DDX42: variants seen among roughly 807,000 people sequenced by gnomAD.
DDX42 encodes the protein DEAD-box helicase 42, also known as ATP-dependent RNA helicase DDX42.
In DDX42, 22 loss-of-function variants were observed where a neutral mutation model predicts 101.5. The observed-to-expected ratio is 0.22, with a 90% CI of 0.15 to 0.31. The LOEUF (loss-of-function observed/expected upper bound fraction) is 0.31, where lower values mean the gene tolerates loss of function less well. DDX42 is among the 10% of genes least tolerant of loss of function. The pLI, the probability that DDX42 is intolerant of heterozygous loss-of-function variation, is 1.00. For synonymous variants in DDX42, 402 were observed against 401.2 expected (o/e 1.00, Z -0.02); for missense variants, 849 against 1,199.9 (o/e 0.71, Z 4.32).
chr17:63,818,635 G>A lies in DDX42; in HGVS notation c.*237G>A, dbSNP rs1412444959. On this transcript the variant is annotated 3_prime_UTR_variant, in exon 18 of 18. Coordinates refer to ENST00000389924, the MANE Select transcript of DDX42 (RefSeq NM_203499.3). ...GGAAGCTTCTTTTGGCTCTAGGTGA[G>A]TTGTCATGTGGGTAAGTTGAGGTTA... 3.6e-5 allele frequency: 18 copies of A among 493,708 alleles called. No homozygotes were observed. In the East Asian group the frequency reaches 6.1e-4, roughly 17 times the overall value. The allele number at this position is 493,708 out of a possible 1,614,324, so 30.6% of individuals were successfully genotyped here. A position where few individuals can be genotyped will look rare whatever the true frequency, so the allele number is the denominator to read the frequency against.
chr17:63,796,181 G>A (rs2039690552), intron 3 of DDX42, among the ~76,000 whole-genome samples: 1 of 152,204 alleles, frequency 6.6e-6, no homozygotes, highest in Non-Finnish European at 1.5e-5. Context: ...GGGATCCCTA[G>A]TGATGAATTA....
Position 63,812,007 on chromosome 17 carries a change from C to T in DDX42, c.1474C>T (p.Leu492=). 3 of 1,614,198 alleles carry T rather than the reference C, an allele frequency of 1.9e-6. No homozygotes were observed. The South Asian group carries it at 3.3e-5, about 18-fold the overall frequency. ...TAAATGGAACTGGCTTACCCGGCGT[C>T]TGGTAGAATTTACCTCTTCAGGGAG... The part of the protein sequence containing the change: ...PSKWNWLTRR[L]VEFTSSGSVL... Residue 492 remains leucine, a synonymous_variant, in exon 14 of 18, where the codon CTG becomes TTG. Coordinates refer to ENST00000389924, the MANE Select transcript of DDX42 (RefSeq NM_203499.3).
intron 1 of DDX42, among the ~76,000 whole-genome samples, chr17:63,784,379 A>G (rs141808973): frequency 6.6e-6 from 1 of 152,288 alleles, no homozygotes; most frequent in East Asian, 1.9e-4. Flanking sequence ...TGTATATATA[A>G]CTCATGGTTT....
In DDX42 at chr17:63,818,581, G is replaced by C. The variant is rs1044218275; in HGVS notation, c.*183G>C. Reference sequence around the variant, plus strand: ...TTTTCGGATGTTTTCTTGGGAAGCTGTTTTGGTCCTTGGAAGCAGTGAGAG... The same window carrying C: ...TTTTCGGATGTTTTCTTGGGAAGCTCTTTTGGTCCTTGGAAGCAGTGAGAG... On this transcript the variant is annotated 3_prime_UTR_variant, in exon 18 of 18. Coordinates refer to ENST00000389924, the MANE Select transcript of DDX42 (RefSeq NM_203499.3). 1 of 611,872 alleles carries C rather than the reference G, an allele frequency of 1.6e-6. No individual in the cohort carries two copies. The highest frequency in any genetic ancestry group is 2.8e-6 in the Non-Finnish European group (1 of 360,176). 37.9% of individuals were successfully genotyped at this position (611,872 alleles called of 1,614,324 possible).
chr17:63,798,899 G>A (rs900400319), intron 4 of DDX42, among the ~76,000 whole-genome samples: 2 of 152,152 alleles, frequency 1.3e-5, no homozygotes, highest in East Asian at 3.8e-4. Flanking sequence ...CCCTGCACTG[G>A]TGGTGTTGCT....
intron 2 of DDX42, 92 bp downstream of exon 2, chr17:63,787,362 A>C: frequency 2.4e-6 from 3 of 1,266,178 alleles, no homozygotes; most frequent in Non-Finnish European, 3.3e-6. Flanking sequence ...TTTGTTTCTC[A>C]AATAATAATG....
chr17:63,786,834 C>T (rs573411193), intron 1 of DDX42, among the ~76,000 whole-genome samples, 200 bp from the exon 2 acceptor site: 22 of 152,314 alleles, frequency 1.4e-4, no homozygotes, highest in South Asian at 6.2e-4. Context: ...TGTGCCACCA[C>T]GCCCGGCCAA....
chr17:63,817,929 G>C lies in DDX42; in HGVS notation c.2348G>C (p.Gly783Ala), dbSNP rs199536695. 122 of 1,614,040 alleles carry C rather than the reference G, an allele frequency of 7.6e-5. No homozygotes were observed. The highest frequency in any genetic ancestry group is 7.2e-5 in the Non-Finnish European group (85 of 1,180,036). Reference protein sequence around the residue: ...SGAPVTYPSAGAQGVNNTASG... With the variant: ...SGAPVTYPSAAAQGVNNTASG... ...GCCCCTGTGACCTACCCGTCTGCCG[G>C]AGCCCAAGGAGTCAACAACACAGCT... The change falls in exon 18 of 18, where the codon GGA becomes GCA. Residue 783 changes from glycine to alanine, a missense_variant. By Grantham distance (60) the Gly-to-Ala change is moderately conservative. Around this residue, in one of 5 missense-constraint regions of DDX42, gnomAD observed 300 missense variants for 304.9 expected, o/e 0.98. Coordinates refer to ENST00000389924, the MANE Select transcript of DDX42 (RefSeq NM_203499.3).
At chr17:63,810,136 G>A (rs1451780627) in intron 11 of DDX42, 1 of 196,312 alleles carries the variant, frequency 5.1e-6, no homozygotes, top group African/African-American at 2.3e-5. Context: ...TGTTGCCCAG[G>A]CTGCAGTGCA....
At chr17:63,806,776 G>T in intron 8 of DDX42, 122 bp downstream of exon 8, 1 of 1,086,768 alleles carries the variant, frequency 9.2e-7, no homozygotes, top group Non-Finnish European at 1.2e-6. Flanking sequence ...AAGGATAGAG[G>T]TATTTATCAC....
At chr17:63,774,721 G>A (rs2039396145) in intron 1 of DDX42, 1 of 152,284 alleles carries the variant, frequency 6.6e-6, no homozygotes, top group Non-Finnish European at 1.5e-5. Flanking sequence ...TCTGACCCAA[G>A]GAGGCAGCGC....
intron 16 of DDX42, chr17:63,815,935 TGGA>T: frequency 5.0e-6 from 1 of 198,442 alleles, no homozygotes; most frequent in Non-Finnish European, 1.0e-5. Flanking sequence ...CTGTGGTCCC[TGGA>T]CCAGCAGCAC....
intron 1 of DDX42, among the ~76,000 whole-genome samples, chr17:63,780,405 TAACAAGGTTTGTA>T (rs1315359813): frequency 1.3e-5 from 2 of 152,198 alleles, no homozygotes; most frequent in Non-Finnish European, 2.9e-5. Flanking sequence ...GTTAGCTAGA[TAACAAGGTTTGTA>T]GTAATAAAAT....
Position 63,812,046 on chromosome 17 carries a change from G to C in DDX42, c.1513G>C (p.Val505Leu). 6.2e-7 allele frequency: 1 copy of C among 1,614,148 alleles called. No individual in the cohort carries two copies. Residue 505 changes from valine (V) to leucine (L), a missense_variant, in exon 14 of 18, where the codon GTT becomes CTT. Physicochemically the swap from Val to Leu is conservative, Grantham distance 32. Around this residue, in one of 5 missense-constraint regions of DDX42, gnomAD observed 370 missense variants for 608.8 expected, o/e 0.61. Transcript: ENST00000389924. ...CTCTTCAGGGAGTGTCCTCCTCTTT[G>C]TTACTAAAAAAGCCAATGCTGAAGA... The part of the protein sequence containing the change: ...FTSSGSVLLF[V>L]TKKANAEELA...
chr17:63,789,713 A>G (rs982226798), intron 2 of DDX42, among the ~76,000 whole-genome samples: 1 of 151,340 alleles, frequency 6.6e-6, no homozygotes, highest in African/African-American at 2.4e-5. Flanking sequence ...AGCTGGGATT[A>G]CAGACATGTG....
intron 17 of DDX42, chr17:63,817,249 G>T: frequency 2.6e-6 from 1 of 389,808 alleles, no homozygotes; most frequent in Non-Finnish European, 4.6e-6. Flanking sequence ...AGCCTGAAGT[G>T]TTGCCCACCT....
chr17:63,775,627 A>G lies in DDX42; in HGVS notation c.-17+1251A>G, dbSNP rs138873682. On this transcript the variant is annotated intron_variant, in intron 1 of 17. Coordinates refer to ENST00000389924, the MANE Select transcript of DDX42 (RefSeq NM_203499.3). ...CGTTCCAAGCTAGAGAATAACAAAC[A>G]TAAAAGCCTTGAGGAGGACAAAGCT... is the stretch of plus-strand genomic sequence containing the variant. Among the ~76,000 whole-genome samples the G allele has an allele frequency of 3.0e-3, 451 of 152,274 alleles. 2 individuals are homozygous for G. Among genetic ancestry groups the G allele is most frequent in the Non-Finnish European group, 4.8e-3 (329 of 68,028 alleles).
rs144626357 is a variant in DDX42, at chr17:63,813,996, C to T, written c.1902+542C>T. ...TTGTGATTACAGGCGCCCACCACCA[C>T]GCCTGGCCAATTTTTGTAATTTTAG... On this transcript the variant is annotated intron_variant, in intron 15 of 17. Coordinates refer to ENST00000389924, the MANE Select transcript of DDX42 (RefSeq NM_203499.3). Among the ~76,000 whole-genome samples the T allele has an allele frequency of 4.8e-3, 735 of 152,248 alleles. 10 individuals are homozygous for T. Among genetic ancestry groups the T allele is most frequent in the African/African-American group, 0.016 (650 of 41,540 alleles).
At chr17:63,793,305 G>A (rs2039651292) in intron 3 of DDX42, among the ~76,000 whole-genome samples, 1 of 149,216 alleles carries the variant, frequency 6.7e-6, no homozygotes, top group Non-Finnish European at 1.5e-5. Context: ...TTGCTCTGAT[G>A]TGGGCTGGCT....
Sources: gnomAD v4.1 joint callset for allele counts (sites outside exome capture counted in the v4.1 genomes callset) on GRCh38, gnomAD v4.1.1 for gene constraint, gnomAD v4.1.1 regional missense constraint, MANE v1.5 for transcripts, NCBI Gene and HGNC (gene_info 2026-07-23, HGNC 2026-07-21) for gene names.